Variants in POLRMT observed in about 807,000 individuals in gnomAD.
POLRMT encodes DNA-directed RNA polymerase, mitochondrial.
Under a neutral mutation model 132.2 loss-of-function variants are expected in POLRMT, and 114 were observed. That is an observed-to-expected ratio of 0.86 (90% CI 0.74 to 1.01). POLRMT has a LOEUF of 1.01. Among genes scored for constraint, POLRMT ranks in the 50% least tolerant of loss-of-function variants. The pLI is 0.00. For synonymous variants in POLRMT, 1,020 were observed against 773.4 expected (o/e 1.32, Z -5.29); for missense variants, 2,003 against 1,729.1 (o/e 1.16, Z -2.81).
intron 3 of POLRMT, chr19:625,465 GAC>G: frequency 1.8e-6 from 1 of 568,414 alleles, no homozygotes; most frequent in Non-Finnish European, 3.0e-6. Context: ...CGCCAGGTGG[GAC>G]TGTGGGAGGT....
At chr19:619,347 G>A (rs367958434) in intron 13 of POLRMT, 51 bp from the exon 14 acceptor site, 23 of 1,564,878 alleles carry the variant, frequency 1.5e-5, no homozygotes, top group Non-Finnish European at 1.9e-5. Flanking sequence ...GCCCGTTCAC[G>A]CCCTACTCCC....
rs572155858 is a variant in POLRMT at position 622,977 on chromosome 19, G to A, written c.1299C>T (p.Thr433=). 2.2e-4 allele frequency: 354 copies of A among 1,612,532 alleles called. 8 individuals are homozygous for A. The Admixed American group carries it at 5.9e-3, about 27-fold the overall frequency. ...PSKEVKHARK[T]LKTLRDQWEK... is the part of the protein sequence containing the mutation. ...CCCATTGGTCCCGCAGGGTCTTCAG[G>A]GTCTTCCGCTGCGGGGGATGAACGG... Residue 433 remains threonine, a synonymous_variant, in exon 7 of 21, where the codon ACC becomes ACT. Coordinates refer to ENST00000588649, the MANE Select transcript of POLRMT (RefSeq NM_005035.4).
chr19:620,285 G>A (rs767267819), intron 11 of POLRMT, 80 bp downstream of exon 11: 152 of 1,470,702 alleles, frequency 1.0e-4, no homozygotes, highest in Middle Eastern at 8.3e-4. Context: ...ACGAGCGAAG[G>A]TGAAATCTCA....
At position 633,509 on chromosome 19, in the gene POLRMT, A is replaced by C. The variant is rs772800224; in HGVS notation, c.4T>G (p.Ser2Ala). 2.0e-6 allele frequency: 2 copies of C among 1,019,398 alleles called. No homozygotes were observed. Among genetic ancestry groups the C allele is most frequent in the Non-Finnish European group, 2.8e-6 (2 of 716,792 alleles). The allele number at this position is 1,019,398 out of a possible 1,614,324, so 63.1% of individuals were successfully genotyped here. M[S>A]ALCWGRGAAG... ...GCTCCGCGGCCCCAGCAAAGTGCCG[A>C]CATTACGCACGCCGCTCCAGGCCAC... is the stretch of plus-strand genomic sequence containing the variant. Residue 2 changes from serine (S) to alanine (A), a missense_variant, in exon 1 of 21, where the codon TCG becomes GCG. Ser to Ala is a moderately conservative substitution (Grantham distance 99). Transcript: ENST00000588649.
At position 621,802 on chromosome 19, in the gene POLRMT, C is replaced by T. The variant is rs966059292; in HGVS notation, c.1896G>A (p.Glu632=). 3.7e-6 allele frequency: 6 copies of T among 1,602,444 alleles called. No homozygotes were observed. In the African/African-American group the frequency reaches 6.7e-5, roughly 18 times the overall value. Residue 632 remains glutamate (E), a synonymous_variant, in exon 10 of 21, where the codon GAG becomes GAA. Coordinates refer to ENST00000588649, the MANE Select transcript of POLRMT (RefSeq NM_005035.4). ...KPHPAYVQLL[E]KAAEPTLTFE... ...AGGTCAGCGTGGGCTCCGCGGCCTT[C>T]TCCAGCAGCTGCACGTAGGCCGGGT... is the stretch of plus-strand genomic sequence containing the variant.
intron 11 of POLRMT, 41 bp downstream of exon 11, chr19:620,324 G>C (rs767575036): frequency 6.6e-7 from 1 of 1,522,418 alleles, no homozygotes; most frequent in Non-Finnish European, 8.8e-7. Flanking sequence ...CAGGCCCAGT[G>C]CACACTGCAC....
intron 17 of POLRMT, 80 bp from the exon 18 acceptor site, chr19:617,929 GC>G: frequency 7.4e-7 from 1 of 1,358,090 alleles, no homozygotes; most frequent in South Asian, 1.2e-5. Flanking sequence ...CCTGCGCTCA[GC>G]CCCCTCCACT....
Position 624,846 on chromosome 19 carries a change from A to T in POLRMT, c.1013T>A (p.Leu338Gln), listed in dbSNP as rs1455589456. ...LKLQALFTAV[L>Q]LSEEDRATVL... The stretch of plus-strand genomic sequence containing the variant: ...AGTGGCCCGATCCTCCTCAGACAGC[A>T]GAACGGCGGTGAAGAGTGCCTGCAG... The change falls in exon 5 of 21, where the codon CTG becomes CAG. Residue 338 changes from leucine to glutamine, a missense_variant. Transcript: ENST00000588649. 1.2e-6 allele frequency: 2 copies of T among 1,613,218 alleles called. No homozygotes were observed. Among genetic ancestry groups the T allele is most frequent in the Non-Finnish European group, 1.7e-6 (2 of 1,179,966 alleles).
At chr19:626,908 T>C (rs1196342853) in intron 3 of POLRMT, among the ~76,000 whole-genome samples, 1 of 122,638 alleles carries the variant, frequency 8.2e-6, no homozygotes, top group Admixed American at 7.7e-5. Context: ...CATATATATA[T>C]ATATATAAAA....
chr19:618,428 TGCTA>T, intron 17 of POLRMT, 56 bp downstream of exon 17: 1 of 1,348,006 alleles, frequency 7.4e-7, no homozygotes, highest in Non-Finnish European at 1.0e-6. Flanking sequence ...AGCTGTGCCC[TGCTA>T]GCCAGAAGAC....
chr19:624,793 G>C lies in POLRMT; in HGVS notation c.1066C>G (p.Pro356Ala), dbSNP rs1209437992. The change falls in exon 5 of 21, where the codon CCC becomes GCC. Residue 356 changes from proline (P) to alanine (A), a missense_variant. Pro to Ala is a conservative substitution (Grantham distance 27). Coordinates refer to ENST00000588649, the MANE Select transcript of POLRMT (RefSeq NM_005035.4). ...AGCTGCGGCGGGAGGCTGAAGGTGG[G>C]CTTCACCTTGTGCACGGCCTTCAGA... Reference protein sequence around the residue: ...TVLKAVHKVKPTFSLPPQLPP... With the variant: ...TVLKAVHKVKATFSLPPQLPP... The C allele has an allele frequency of 1.2e-6, 2 of 1,613,380 alleles. No homozygotes were observed. The highest frequency in any genetic ancestry group is 1.7e-6 in the Non-Finnish European group (2 of 1,180,012).
chr19:622,811 G>C lies in POLRMT; in HGVS notation c.1455+10C>G, dbSNP rs780660816. 6.3e-7 allele frequency: 1 copy of C among 1,584,612 alleles called. No homozygotes were observed. The highest frequency in any genetic ancestry group is 8.6e-7 in the Non-Finnish European group (1 of 1,166,616). On this transcript the variant is annotated intron_variant, in intron 7 of 20. Transcript: ENST00000588649. ...CGCCCGGGGACCCGGCCGCGCGGAG[G>C]AAGACGCACCTGCAGGAGCATCCGC...
chr19:629,978 C>T lies in POLRMT; in HGVS notation c.384G>A (p.Lys128=). 1.9e-6 allele frequency: 3 copies of T among 1,613,860 alleles called. No individual in the cohort carries two copies. Among genetic ancestry groups the T allele is most frequent in the Non-Finnish European group, 2.5e-6 (3 of 1,180,028 alleles). ...PCGRWAKILE[K]DKRTQQMRMQ... is the part of the protein sequence containing the mutation. Reference sequence around the variant, plus strand: ...TACGCATCTGCTGGGTCCGCTTATCCTTCTCCAGTATCTTTGCCCAGCGGC... The same window carrying T: ...TACGCATCTGCTGGGTCCGCTTATCTTTCTCCAGTATCTTTGCCCAGCGGC... The change falls in exon 3 of 21, where the codon AAG becomes AAA. Residue 128 remains lysine, a synonymous_variant. Transcript: ENST00000588649.
At chr19:633,326 T>A in intron 1 of POLRMT, 99 bp downstream of exon 1, 1 of 1,332,578 alleles carries the variant, frequency 7.5e-7, no homozygotes, top group Non-Finnish European at 9.7e-7. Context: ...CACGCCCAGG[T>A]GCAAAGAGGC....
rs766562029 is a variant in POLRMT, at chr19:620,503, A to AC, written c.2641-17_2641-16insG. Reference sequence around the variant, plus strand: ...ACTTTCGGCCCTGCGGGGACAGCGGATGGGGGGCAGTGAGGCCCGGGCCCG... The same window carrying AC: ...ACTTTCGGCCCTGCGGGGACAGCGGACTGGGGGGCAGTGAGGCCCGGGCCCG... On this transcript the variant is annotated splice_polypyrimidine_tract_variant and intron_variant, in intron 10 of 20. Coordinates refer to ENST00000588649, the MANE Select transcript of POLRMT (RefSeq NM_005035.4). The AC allele has an allele frequency of 2.4e-5, 37 of 1,558,540 alleles. No individual in the cohort carries two copies. The East Asian group carries it at 8.1e-4, about 34-fold the overall frequency.
At position 622,875 on chromosome 19, in the gene POLRMT, A is replaced by G; in HGVS notation, c.1401T>C (p.Leu467=). Residue 467 remains leucine, a synonymous_variant, in exon 7 of 21, where the codon CTT becomes CTC. Transcript: ENST00000588649. ...CGTCCAGCAGGCACAGGAAGGGGTA[A>G]AGTGAGAACCGGCCCTCGTACACCT... ...EREVYEGRFS[L]YPFLCLLDER... 1.2e-6 allele frequency: 2 copies of G among 1,609,884 alleles called. No homozygotes were observed. Among genetic ancestry groups the G allele is most frequent in the South Asian group, 1.1e-5 (1 of 90,426 alleles).
Position 617,435 on chromosome 19 carries a change from C to A in POLRMT, c.3627G>T (p.Gln1209His). 1 of 1,612,072 alleles carries A rather than the reference C, an allele frequency of 6.2e-7. No homozygotes were observed. Among genetic ancestry groups the A allele is most frequent in the Non-Finnish European group, 8.5e-7 (1 of 1,179,786 alleles). The part of the protein sequence containing the change: ...LEASQLKETL[Q>H]AVPKPGAFDL... ...CCCGCCTACCTGGCTTGGGCACCGCCTGCAGTGTCTCCTTCAGCTGGCTGG... is the reference window on the plus strand; with the variant it reads ...CCCGCCTACCTGGCTTGGGCACCGCATGCAGTGTCTCCTTCAGCTGGCTGG... The change falls in exon 20 of 21, where the codon CAG becomes CAT. Residue 1209 changes from glutamine to histidine, a missense_variant. Transcript: ENST00000588649.
intron 3 of POLRMT, among the ~76,000 whole-genome samples, chr19:629,308 A>G (rs1985236659): frequency 6.6e-6 from 1 of 152,194 alleles, no homozygotes; most frequent in African/African-American, 2.4e-5. Flanking sequence ...AGCCCCGAGA[A>G]AGAACGGAAG....
chr19:625,218 C>A lies in POLRMT; in HGVS notation c.859G>T (p.Val287Leu). 6.2e-7 allele frequency: 1 copy of A among 1,614,124 alleles called. No homozygotes were observed. The highest frequency in any genetic ancestry group is 8.5e-7 in the Non-Finnish European group (1 of 1,180,004). Reference sequence around the variant, plus strand: ...TCCGGAGTCAAGCCGGCATCCTTCACCATGAATAACACATATACCAGCTCC... The same window carrying A: ...TCCGGAGTCAAGCCGGCATCCTTCAACATGAATAACACATATACCAGCTCC... ...FKELVYVLFM[V>L]KDAGLTPDLL... The change falls in exon 4 of 21, where the codon GTG becomes TTG. Residue 287 changes from valine (V) to leucine (L), a missense_variant. By Grantham distance (32) the Val-to-Leu change is conservative. Transcript: ENST00000588649.
Sources: gnomAD v4.1 joint callset for allele counts (sites outside exome capture counted in the v4.1 genomes callset) on GRCh38, gnomAD v4.1.1 for gene constraint, MANE v1.5 for transcripts, NCBI Gene and HGNC (gene_info 2026-07-23, HGNC 2026-07-21) for gene names.